Variants in ZFHX3 observed in about 807,000 individuals in gnomAD.
ZFHX3 encodes zinc finger homeobox protein 3.
ZFHX3 carries 42 observed loss-of-function variants against 279.1 expected under a neutral mutation model. The observed-to-expected ratio is 0.15, with a 90% CI of 0.12 to 0.19. The LOEUF (loss-of-function observed/expected upper bound fraction) is 0.19, where lower values mean the gene tolerates loss of function less well. Among genes scored for constraint, ZFHX3 ranks in the 10% least tolerant of loss-of-function variants. The pLI is 1.00. For missense variants in ZFHX3, 4,981 were observed against 4,754.0 expected, an observed-to-expected ratio of 1.05 and a Z score of -1.40; for synonymous variants, 2,293 against 1,957.8, an observed-to-expected ratio of 1.17 and a Z score of -4.52.
intron 4 of ZFHX3, among the ~76,000 whole-genome samples, chr16:73,293,265 A>T (rs946678833): frequency 1.3e-5 from 2 of 152,176 alleles, no homozygotes; most frequent in African/African-American, 2.4e-5. Flanking sequence ...AAAGTTTGGG[A>T]AAGAGGCTAT....
intron 2 of ZFHX3, among the ~76,000 whole-genome samples, chr16:73,516,628 G>A (rs1202002224): frequency 3.3e-5 from 5 of 152,114 alleles, no homozygotes; most frequent in African/African-American, 1.2e-4. Context: ...TTGAACCTCA[G>A]AACCAATATA....
chr16:73,832,046 A>G (rs1035524041), intron 1 of ZFHX3, among the ~76,000 whole-genome samples: 15 of 152,300 alleles, frequency 9.8e-5, no homozygotes, highest in African/African-American at 3.4e-4. Flanking sequence ...GATTATAGGC[A>G]CATGCCACCA....
At chr16:73,217,293 A>G (rs1480327791) in intron 5 of ZFHX3, among the ~76,000 whole-genome samples, 9 of 152,154 alleles carry the variant, frequency 5.9e-5, no homozygotes, top group East Asian at 1.9e-4. Flanking sequence ...CAGCCTTCGT[A>G]TGCCTCAGCA....
intron 2 of ZFHX3, among the ~76,000 whole-genome samples, chr16:73,507,413 C>T (rs1408256097): frequency 1.3e-5 from 2 of 151,716 alleles, no homozygotes; most frequent in East Asian, 3.9e-4. Flanking sequence ...CTTTGTGTCC[C>T]TCCCTTGGAT....
intron 1 of ZFHX3, among the ~76,000 whole-genome samples, chr16:72,963,165 C>T (rs1001663376): frequency 2.6e-5 from 4 of 152,144 alleles, no homozygotes; most frequent in Admixed American, 2.6e-4. Flanking sequence ...TCCAAGCAGC[C>T]CTGCCAGCCT....
At chr16:73,455,029 C>T (rs2018348540) in intron 3 of ZFHX3, among the ~76,000 whole-genome samples, 2 of 152,086 alleles carry the variant, frequency 1.3e-5, no homozygotes, top group Admixed American at 6.5e-5. Flanking sequence ...ACACGATTTA[C>T]AAATGGAAGC....
intron 5 of ZFHX3, among the ~76,000 whole-genome samples, chr16:73,163,738 A>C (rs1375423489): frequency 6.6e-6 from 1 of 152,198 alleles, no homozygotes; most frequent in Non-Finnish European, 1.5e-5. Context: ...GAATTAGAGA[A>C]AAGTAGAACT....
intron 5 of ZFHX3, among the ~76,000 whole-genome samples, chr16:73,247,861 T>C (rs542378066): frequency 1.9e-3 from 284 of 152,240 alleles, no homozygotes; most frequent in African/African-American, 6.0e-3. Flanking sequence ...TATGTGCCTG[T>C]ATGCGGAGTG....
At chr16:73,691,999 C>A (rs933327701) in intron 1 of ZFHX3, among the ~76,000 whole-genome samples, 31 of 152,186 alleles carry the variant, frequency 2.0e-4, no homozygotes, top group Non-Finnish European at 1.0e-4. Flanking sequence ...CTCAGCCTCT[C>A]CCTACATCAG....
chr16:73,599,732 TAA>T (rs67036720), intron 2 of ZFHX3, among the ~76,000 whole-genome samples: 1 of 144,214 alleles, frequency 6.9e-6, no homozygotes, highest in Non-Finnish European at 1.5e-5. Flanking sequence ...AAAATGTCAT[TAA>T]AAAAAAAAAA....
At chr16:73,083,131 A>T (rs1236832321) in intron 8 of ZFHX3, among the ~76,000 whole-genome samples, 3 of 152,050 alleles carry the variant, frequency 2.0e-5, no homozygotes, top group Non-Finnish European at 4.4e-5. Context: ...TGAACCCAGG[A>T]GGTAGAGGTT....
chr16:73,407,934 A>T (rs990587455), intron 3 of ZFHX3, among the ~76,000 whole-genome samples: 3 of 152,026 alleles, frequency 2.0e-5, no homozygotes, highest in African/African-American at 4.8e-5. Context: ...TGATTCCTAC[A>T]GGCTGGGGAA....
chr16:73,599,688 A>C (rs2052090277), intron 2 of ZFHX3, among the ~76,000 whole-genome samples: 1 of 151,554 alleles, frequency 6.6e-6, no homozygotes, highest in South Asian at 2.1e-4. Flanking sequence ...GAACTATATA[A>C]ATGGTTTACA....
chr16:72,831,738 G>T (rs2037065105), intron 4 of ZFHX3, among the ~76,000 whole-genome samples: 1 of 152,128 alleles, frequency 6.6e-6, no homozygotes, highest in South Asian at 2.1e-4. Context: ...CCAGCGTGCG[G>T]TCAATGAATA....
At chr16:73,582,923 G>T (rs1470611682) in intron 2 of ZFHX3, among the ~76,000 whole-genome samples, 2 of 149,654 alleles carry the variant, frequency 1.3e-5, no homozygotes, top group Non-Finnish European at 2.9e-5. Flanking sequence ...TAACAACCTT[G>T]TGAAGCTCTG....
chr16:73,798,305 A>C (rs1461003573), intron 1 of ZFHX3, among the ~76,000 whole-genome samples: 1 of 151,958 alleles, frequency 6.6e-6, no homozygotes, highest in Non-Finnish European at 1.5e-5. Flanking sequence ...TTTTTAGGGA[A>C]GATATTCTTG....
At chr16:72,921,152 ATTCAC>A (rs2039573141) in intron 3 of ZFHX3, among the ~76,000 whole-genome samples, 1 of 150,676 alleles carries the variant, frequency 6.6e-6, no homozygotes, top group Admixed American at 6.6e-5. Context: ...CTAGGCATTC[ATTCAC>A]TTAAGGACGG....
At chr16:73,632,421 G>A (rs909444286) in intron 2 of ZFHX3, among the ~76,000 whole-genome samples, 2 of 152,070 alleles carry the variant, frequency 1.3e-5, no homozygotes, top group Admixed American at 6.6e-5. Flanking sequence ...GGTGGCTCAC[G>A]CCTGTAATCC....
intron 1 of ZFHX3, among the ~76,000 whole-genome samples, chr16:73,871,023 A>G (rs1962148768): frequency 1.3e-5 from 2 of 152,322 alleles, no homozygotes; most frequent in Admixed American, 1.3e-4. Flanking sequence ...GGAGCTGTAG[A>G]TTGCAAGGAA....
Sources: gnomAD v4.1 joint callset for allele counts (sites outside exome capture counted in the v4.1 genomes callset) on GRCh38, gnomAD v4.1.1 for gene constraint, MANE v1.5 for transcripts, NCBI Gene and HGNC (gene_info 2026-07-23, HGNC 2026-07-21) for gene names.